DOCK9: variants seen among roughly 807,000 people sequenced by gnomAD.
DOCK9 encodes the protein dedicator of cytokinesis 9.
A neutral mutation model predicts 263.3 loss-of-function variants in DOCK9; 89 were observed. The ratio of observed to expected loss-of-function variants is 0.34; its 90% CI spans 0.28 to 0.40. DOCK9 has a LOEUF of 0.40. Ranked by LOEUF, DOCK9 falls within the 10% of genes least tolerant of loss-of-function variation. The probability of loss-of-function intolerance (pLI) is 1.00; values close to 1 mark genes in which losing one functional copy is unlikely to be tolerated. For missense variants in DOCK9, 2,140 were observed against 2,603.4 expected (o/e 0.82, Z 3.87); for synonymous variants, 976 against 973.1 (o/e 1.00, Z -0.06).
At chr13:98,938,689 C>T (rs1343633247) in intron 2 of DOCK9, among the ~76,000 whole-genome samples, 2 of 143,034 alleles carry the variant, frequency 1.4e-5, no homozygotes, top group African/African-American at 5.1e-5. Context: ...TTTTTCTAAC[C>T]CTCTCAACTC....
chr13:98,831,373 T>G lies in DOCK9; in HGVS notation c.4610A>C (p.Lys1537Thr), dbSNP rs2092756460. ...MRNNFDYTGKKSFVRTHLQVI... is the reference protein window; with the variant it reads ...MRNNFDYTGKTSFVRTHLQVI... ...TTGCAAATGTGTCCGGACAAAGGAC[T>G]TCTTTCCAGTGTAATCAAAGTTGTT... Residue 1537 changes from lysine to threonine, a missense_variant, in exon 41 of 53, where the codon AAG (lysine) becomes ACG (threonine). Physicochemically the swap from Lys to Thr is moderately conservative, Grantham distance 78. Around this residue, in one of 2 missense-constraint regions of DOCK9, gnomAD observed 619 missense variants for 861.8 expected, o/e 0.72. Transcript: ENST00000682017. 2 of 1,605,102 alleles carry G rather than the reference T, an allele frequency of 1.2e-6. No homozygotes were observed. The highest frequency in any genetic ancestry group is 2.7e-5 in the African/African-American group (2 of 74,810).
chr13:98,913,992 T>C (rs1476563973), intron 9 of DOCK9, among the ~76,000 whole-genome samples: 2 of 152,142 alleles, frequency 1.3e-5, no homozygotes, highest in Non-Finnish European at 2.9e-5. Context: ...GGAGAGCACA[T>C]GTATCAACAT....
intron 1 of DOCK9, among the ~76,000 whole-genome samples, chr13:99,043,772 T>C (rs9517565): frequency 2.6e-5 from 4 of 151,886 alleles, no homozygotes. Context: ...CTTACCCACA[T>C]CCTTTCCACA....
At chr13:98,882,943 A>C in intron 23 of DOCK9, 99 bp downstream of exon 23, 2 of 944,024 alleles carry the variant, frequency 2.1e-6, no homozygotes, top group Non-Finnish European at 1.6e-6. Context: ...CATCCAGGTA[A>C]GAGCTTCCAA....
intron 15 of DOCK9, among the ~76,000 whole-genome samples, chr13:98,896,021 C>G (rs1258762736): frequency 6.6e-6 from 1 of 152,064 alleles, no homozygotes; most frequent in Non-Finnish European, 1.5e-5. Context: ...TCCTCCTCTC[C>G]CCCTTCTCCA....
intron 11 of DOCK9, among the ~76,000 whole-genome samples, 196 bp from the exon 12 acceptor site, chr13:98,902,687 A>G (rs2048472484): frequency 6.6e-6 from 1 of 152,222 alleles, no homozygotes; most frequent in Non-Finnish European, 1.5e-5. Flanking sequence ...TTTTACCTTT[A>G]TGTGTTTTGC....
intron 9 of DOCK9, among the ~76,000 whole-genome samples, chr13:98,911,084 A>G (rs551057695): frequency 1.3e-5 from 2 of 152,144 alleles, no homozygotes; most frequent in African/African-American, 2.4e-5. Context: ...GGCTGCTCAC[A>G]CTGACACCAA....
chr13:99,009,886 A>T (rs1175005225), intron 1 of DOCK9, among the ~76,000 whole-genome samples: 1 of 152,176 alleles, frequency 6.6e-6, no homozygotes, highest in African/African-American at 2.4e-5. Context: ...GGGGAGATTA[A>T]AGTGGTCTGA....
intron 1 of DOCK9, among the ~76,000 whole-genome samples, chr13:99,073,175 G>A (rs866121541): frequency 7.2e-5 from 11 of 151,984 alleles, no homozygotes; most frequent in South Asian, 2.1e-4. Flanking sequence ...ATTCTGACCC[G>A]CATACCCTAC....
chr13:99,043,752 C>A (rs1216734712), intron 1 of DOCK9, among the ~76,000 whole-genome samples: 1 of 152,088 alleles, frequency 6.6e-6, no homozygotes, highest in Non-Finnish European at 1.5e-5. Flanking sequence ...ACTCCTTTAC[C>A]CTGCCTCATC....
chr13:99,055,056 T>C (rs2040856069), intron 1 of DOCK9, among the ~76,000 whole-genome samples: 3 of 152,216 alleles, frequency 2.0e-5, no homozygotes, highest in South Asian at 2.1e-4. Context: ...ACAAAGGTTC[T>C]GCTATGAAAT....
chr13:98,904,877 C>T (rs2139571072), intron 9 of DOCK9, among the ~76,000 whole-genome samples, 171 bp from the exon 10 acceptor site: 1 of 152,238 alleles, frequency 6.6e-6, no homozygotes, highest in Non-Finnish European at 1.5e-5. Context: ...AAAGAAAGCA[C>T]TAGGAGGAAA....
chr13:98,895,442 A>G (rs561127733), intron 15 of DOCK9, among the ~76,000 whole-genome samples: 6 of 152,144 alleles, frequency 3.9e-5, no homozygotes, highest in East Asian at 1.9e-4. Context: ...TGAGGCGGGC[A>G]GATCACAAGG....
intron 1 of DOCK9, among the ~76,000 whole-genome samples, chr13:98,989,400 T>C (rs1444089723): frequency 1.3e-5 from 2 of 151,430 alleles, no homozygotes; most frequent in Non-Finnish European, 2.9e-5. Context: ...TTCCAGGACC[T>C]CACCCAGAAC....
At chr13:98,898,115 G>A in intron 14 of DOCK9, 64 bp downstream of exon 14, 1 of 1,085,164 alleles carries the variant, frequency 9.2e-7, no homozygotes, top group Non-Finnish European at 1.4e-6. Flanking sequence ...AAACAGAATA[G>A]GCCTATTGAC....
At chr13:98,853,074 G>T (rs910347986) in intron 35 of DOCK9, among the ~76,000 whole-genome samples, 2 of 152,102 alleles carry the variant, frequency 1.3e-5, no homozygotes, top group African/African-American at 4.8e-5. Context: ...TTTTTTTAAA[G>T]CCAAAAGCTA....
chr13:98,876,289 C>T (rs1264504522), intron 27 of DOCK9, among the ~76,000 whole-genome samples: 5 of 152,090 alleles, frequency 3.3e-5, no homozygotes, highest in African/African-American at 7.2e-5. Flanking sequence ...GTCAGGAGTT[C>T]GAGACCAGCC....
intron 1 of DOCK9, among the ~76,000 whole-genome samples, chr13:99,064,460 A>G (rs956350399): frequency 2.6e-5 from 4 of 152,206 alleles, no homozygotes; most frequent in Non-Finnish European, 4.4e-5. Flanking sequence ...ATAATTTATC[A>G]ATCCATGCAG....
At chr13:98,996,826 G>T (rs1881158942) in intron 1 of DOCK9, among the ~76,000 whole-genome samples, 1 of 152,134 alleles carries the variant, frequency 6.6e-6, no homozygotes, top group Non-Finnish European at 1.5e-5. Flanking sequence ...TGGTTTTATT[G>T]TTTATATTTC....
Sources: gnomAD v4.1 joint callset for allele counts (sites outside exome capture counted in the v4.1 genomes callset) on GRCh38, gnomAD v4.1.1 for gene constraint, gnomAD v4.1.1 regional missense constraint, MANE v1.5 for transcripts, NCBI Gene and HGNC (gene_info 2026-07-23, HGNC 2026-07-21) for gene names.